PRC1: variants seen among roughly 807,000 people sequenced by gnomAD.
The protein encoded by PRC1 is anaphase spindle elongation 1 homolog.
PRC1 carries 54 observed loss-of-function variants against 91.2 expected under a neutral mutation model. That is an observed-to-expected ratio of 0.59 (90% CI 0.48 to 0.74). The LOEUF (loss-of-function observed/expected upper bound fraction) is 0.74, where lower values mean the gene tolerates loss of function less well. PRC1 is among the 30% of genes least tolerant of loss of function. PRC1 has a pLI of 0.00. For synonymous variants in PRC1, 275 were observed against 263.6 expected, an observed-to-expected ratio of 1.04 and a Z score of -0.42; for missense variants, 727 against 746.2, an observed-to-expected ratio of 0.97 and a Z score of 0.30.
rs1487221268 is a variant in PRC1, at chr15:90,981,900, TCTCCTTTTTCTGTTTTCG to T, written c.331_348del (p.Lys114_Gln119del). ...TGAAGTAGCTTCAGTTCCTGTTTTC[TCTCCTTTTTCTGTTTTCG>T]CATCAATTCCACTTGGGTGCGCAAA... On this transcript the variant is annotated inframe_deletion, in exon 4 of 15. Transcript: ENST00000394249. The T allele has an allele frequency of 1.2e-6, 2 of 1,614,210 alleles. No individual in the cohort carries two copies. Among genetic ancestry groups the T allele is most frequent in the Non-Finnish European group, 1.7e-6 (2 of 1,180,034 alleles).
intron 13 of PRC1, 67 bp from the exon 14 acceptor site, chr15:90,969,187 G>A: frequency 2.0e-6 from 3 of 1,515,930 alleles, no homozygotes; most frequent in Non-Finnish European, 2.7e-6. Context: ...AGTGATAGAG[G>A]GGTTGCCTCC....
chr15:90,993,820 C>T (rs949051569), intron 1 of PRC1, among the ~76,000 whole-genome samples: 1 of 152,318 alleles, frequency 6.6e-6, no homozygotes, highest in Middle Eastern at 3.4e-3. Flanking sequence ...CGGTGGCTCA[C>T]GCCTGTAATC....
intron 14 of PRC1, 31 bp from the exon 15 acceptor site, chr15:90,967,233 T>C (rs1316550761): frequency 4.6e-6 from 7 of 1,530,942 alleles, no homozygotes; most frequent in East Asian, 2.3e-5. Flanking sequence ...TCAGTGGCCA[T>C]ACTGCCTCTC....
chr15:90,978,927 A>C (rs1322368218), intron 8 of PRC1, among the ~76,000 whole-genome samples: 1 of 152,072 alleles, frequency 6.6e-6, no homozygotes, highest in Non-Finnish European at 1.5e-5. Context: ...CCCACCTCTG[A>C]ACCTCATTCA....
In PRC1 at chr15:90,976,850, G is replaced by A. The variant is rs112336899; in HGVS notation, c.1108-79C>T. On this transcript the variant is annotated intron_variant, in intron 8 of 14. Coordinates refer to ENST00000394249, the MANE Select transcript of PRC1 (RefSeq NM_003981.4). Reference sequence around the variant, plus strand: ...ACTTCTGCTAAGATTCTTTGTTCTCGCCAGGCGTGGTGACTCACACCTGTA... The same window carrying A: ...ACTTCTGCTAAGATTCTTTGTTCTCACCAGGCGTGGTGACTCACACCTGTA... 12 of 1,245,670 alleles carry A rather than the reference G, an allele frequency of 9.6e-6. 1 individual carries two copies. Among genetic ancestry groups the A allele is most frequent in the African/African-American group, 6.0e-5 (4 of 66,706 alleles). 77.2% of individuals were successfully genotyped at this position (1,245,670 alleles called of 1,614,324 possible).
At chr15:90,967,870 G>C (rs535107901) in intron 14 of PRC1, 5 of 985,466 alleles carry the variant, frequency 5.1e-6, no homozygotes, top group Middle Eastern at 1.0e-3. Flanking sequence ...AGTTGTCAAG[G>C]TAAGTAGGCA....
Position 90,966,762 on chromosome 15 carries a change from T to C in PRC1, c.*369A>G, listed in dbSNP as rs1471692907. On this transcript the variant is annotated 3_prime_UTR_variant, in exon 15 of 15. Coordinates refer to ENST00000394249, the MANE Select transcript of PRC1 (RefSeq NM_003981.4). ...GTTAATTACTAGTTACAGGTATACA[T>C]GCCAAAATTACCCCCAGGGATGGGC... 5 of 432,480 alleles carry C rather than the reference T, an allele frequency of 1.2e-5. No homozygotes were observed. In the Admixed American group the frequency reaches 1.4e-4, roughly 12 times the overall value. 26.8% of individuals were successfully genotyped at this position (432,480 alleles called of 1,614,324 possible).
At position 90,987,015 on chromosome 15, in the gene PRC1, T is replaced by C. The variant is rs180918109; in HGVS notation, c.12-2190A>G. Among the ~76,000 whole-genome samples the C allele has an allele frequency of 2.0e-4, 30 of 151,476 alleles. No individual in the cohort carries two copies. The East Asian group carries it at 5.8e-3, about 29-fold the overall frequency. ...CTGGCCAGGCACGGTAGTTCACGCC[T>C]GTATTCCTAGCACCTTGCAAGGCCG... On this transcript the variant is annotated intron_variant, in intron 1 of 14. Transcript: ENST00000394249.
In PRC1 at chr15:90,969,118, C is replaced by CT; in HGVS notation, c.1751dup (p.Asp585GlyfsTer6). The CT allele has an allele frequency of 6.2e-7, 1 of 1,612,770 alleles. No individual in the cohort carries two copies. The highest frequency in any genetic ancestry group is 8.5e-7 in the Non-Finnish European group (1 of 1,178,818). ...TGGAACTGTCAGAGAGGGACGGATC[C>CT]TTCTAAGAACAAAGAATTAAGACAA... is the stretch of plus-strand genomic sequence containing the variant. On this transcript the variant is annotated frameshift_variant and splice_region_variant, in exon 14 of 15. Coordinates refer to ENST00000394249, the MANE Select transcript of PRC1 (RefSeq NM_003981.4). LOFTEE classifies it high-confidence loss of function.
At chr15:90,994,343 G>T in intron 1 of PRC1, 64 bp downstream of exon 1, 1 of 1,611,204 alleles carries the variant, frequency 6.2e-7, no homozygotes, top group Non-Finnish European at 8.5e-7. Context: ...CCCCTGAACA[G>T]GCCCCGCAGC....
At chr15:90,972,034 A>G (rs1015680903) in intron 11 of PRC1, among the ~76,000 whole-genome samples, 3 of 150,738 alleles carry the variant, frequency 2.0e-5, no homozygotes, top group African/African-American at 4.9e-5. Flanking sequence ...TCTCAAAAAA[A>G]CAAAACCAAA....
rs2151431402 is a variant in PRC1, at chr15:90,970,330, C to A, written c.1572+74G>T. ...AATCCAGGGATCTTAGAATCTAGAA[C>A]AAGTAGGTGGGGCCTCTGGGTGAAC... On this transcript the variant is annotated intron_variant, in intron 12 of 14. Transcript: ENST00000394249. 4 of 1,094,834 alleles carry A rather than the reference C, an allele frequency of 3.7e-6. No individual in the cohort carries two copies. In the East Asian group the frequency reaches 9.7e-5, roughly 27 times the overall value. 67.8% of individuals were successfully genotyped at this position (1,094,834 alleles called of 1,614,324 possible). A position where few individuals can be genotyped will look rare whatever the true frequency, so the allele number is the denominator to read the frequency against.
At chr15:90,994,123 C>A (rs2040149913) in intron 1 of PRC1, among the ~76,000 whole-genome samples, 1 of 151,846 alleles carries the variant, frequency 6.6e-6, no homozygotes, top group African/African-American at 2.4e-5. Flanking sequence ...CCTCGACTAC[C>A]CTGCCGCGTC....
chr15:90,991,882 CCTCCAACG>C (rs2040002040), intron 1 of PRC1, among the ~76,000 whole-genome samples: 1 of 152,102 alleles, frequency 6.6e-6, no homozygotes, highest in African/African-American at 2.4e-5. Context: ...TACTCAGAAC[CCTCCAACG>C]ACTTGCCATC....
intron 11 of PRC1, among the ~76,000 whole-genome samples, chr15:90,971,775 C>G (rs1283208432): frequency 6.6e-6 from 1 of 151,930 alleles, no homozygotes; most frequent in African/African-American, 2.4e-5. Flanking sequence ...CGCCTGTAAT[C>G]CCAGCACTTT....
In PRC1 at chr15:90,966,857, G is replaced by T; in HGVS notation, c.*274C>A. The T allele has an allele frequency of 1.9e-6, 1 of 521,678 alleles. No homozygotes were observed. The allele number at this position is 521,678 out of a possible 1,614,324, so 32.3% of individuals were successfully genotyped here. A position where few individuals can be genotyped will look rare whatever the true frequency, so the allele number is the denominator to read the frequency against. On this transcript the variant is annotated 3_prime_UTR_variant, in exon 15 of 15. Coordinates refer to ENST00000394249, the MANE Select transcript of PRC1 (RefSeq NM_003981.4). ...ATCATGCTTCAGCAAGTAGAATTAT[G>T]TGGTAGAGAAGTCAGGCCCCATATG... is the stretch of plus-strand genomic sequence containing the variant.
Position 90,974,602 on chromosome 15 carries a change from T to G in PRC1, c.1333A>C (p.Arg445=), listed in dbSNP as rs765198664. The G allele has an allele frequency of 1.7e-5, 27 of 1,614,206 alleles. No individual in the cohort carries two copies. Among genetic ancestry groups the G allele is most frequent in the Non-Finnish European group, 2.2e-5 (26 of 1,180,038 alleles). The change falls in exon 10 of 15, where the codon AGA becomes CGA. Residue 445 remains arginine (R), a synonymous_variant. Coordinates refer to ENST00000394249, the MANE Select transcript of PRC1 (RefSeq NM_003981.4). This position sits in a 1 kb window ranked among gnomAD's most constrained non-coding sequence, Gnocchi z 4.6. ...ACACTTACTCTTTCCTGCTTGGCTCTCTCTTTCTCCAATCGATGCATCTCC... is the reference window on the plus strand; with the variant it reads ...ACACTTACTCTTTCCTGCTTGGCTCGCTCTTTCTCCAATCGATGCATCTCC... ...QWEMHRLEKE[R]AKQERQLKNK...
In PRC1 at chr15:90,969,617, C is replaced by G. The variant is rs751855673; in HGVS notation, c.1579G>C (p.Ala527Pro). 1 of 1,590,282 alleles carries G rather than the reference C, an allele frequency of 6.3e-7. No homozygotes were observed. Among genetic ancestry groups the G allele is most frequent in the African/African-American group, 1.4e-5 (1 of 73,860 alleles). ...RLPPSGSKPV[A>P]ASTCSGKKTP... ...TTCTTCCCTGAACAGGTGGAAGCAG[C>G]GACTGGCTGCAGAGAAAGGAAAGAG... Residue 527 changes from alanine (A) to proline (P), a missense_variant, in exon 13 of 15, where the codon GCT becomes CCT. By Grantham distance (27) the Ala-to-Pro change is conservative (BLOSUM62 -1). Coordinates refer to ENST00000394249, the MANE Select transcript of PRC1 (RefSeq NM_003981.4).
At chr15:90,994,157 C>G (rs2040154146) in intron 1 of PRC1, among the ~76,000 whole-genome samples, 1 of 151,972 alleles carries the variant, frequency 6.6e-6, no homozygotes, top group African/African-American at 2.4e-5. Flanking sequence ...TCGGCTCCCA[C>G]CCGGGCGTCT....
Sources: allele counts gnomAD v4.1 joint callset (sites outside exome capture counted in the v4.1 genomes callset), GRCh38; gene constraint gnomAD v4.1.1; non-coding constraint Gnocchi (gnomAD v3.1); transcripts MANE v1.5; gene names NCBI Gene and HGNC (gene_info 2026-07-23, HGNC 2026-07-21).